The following KRABD5 variants were observed in gnomAD, a reference collection of about 807,000 sequenced individuals.
The protein encoded by KRABD5 is KRAB domain-containing protein 5.
At chr16:31,734,205 G>T in the KRABD5 span, among the ~76,000 whole-genome samples, 1 of 151,292 alleles carries the variant, frequency 6.6e-6, no homozygotes, top group East Asian at 1.9e-4. Context: ...AATTCTTAGT[G>T]GTGAGAACAT....
chr16:31,732,687 C>T, the KRABD5 span, among the ~76,000 whole-genome samples: 2 of 151,976 alleles, frequency 1.3e-5, no homozygotes, highest in Admixed American at 6.6e-5. Flanking sequence ...TTTATTATAG[C>T]CATTATATTT....
the KRABD5 span, among the ~76,000 whole-genome samples, chr16:31,726,552 G>A: frequency 6.6e-6 from 1 of 152,134 alleles, no homozygotes; most frequent in East Asian, 1.9e-4. Context: ...CTTGAGGCCA[G>A]GAGTTCAAGA....
At chr16:31,713,558 T>G in the KRABD5 span, 1 of 1,376,212 alleles carries the variant, frequency 7.3e-7, no homozygotes, top group East Asian at 2.8e-5. Context: ...ACTCGGCCCT[T>G]GGTCCCCTCC....
At chr16:31,719,990 G>T in the KRABD5 span, among the ~76,000 whole-genome samples, 1 of 152,328 alleles carries the variant, frequency 6.6e-6, no homozygotes, top group Non-Finnish European at 1.5e-5. Flanking sequence ...GGAAACAGAA[G>T]AAGAGAGAGA....
At chr16:31,758,006 C>G in the KRABD5 span, 3 of 152,048 alleles carry the variant, frequency 2.0e-5, no homozygotes, top group Non-Finnish European at 2.9e-5. Flanking sequence ...AGATAATGTT[C>G]CAAACTCTTG....
At chr16:31,746,667 C>G in the KRABD5 span, among the ~76,000 whole-genome samples, 1 of 152,120 alleles carries the variant, frequency 6.6e-6, no homozygotes, top group African/African-American at 2.4e-5. Flanking sequence ...GGCCTGACTT[C>G]TAGGTTAGGG....
At chr16:31,737,342 A>G in the KRABD5 span, among the ~76,000 whole-genome samples, 1 of 152,230 alleles carries the variant, frequency 6.6e-6, no homozygotes, top group East Asian at 1.9e-4. Flanking sequence ...CTAATGAACA[A>G]GTTCTGTAAA....
chr16:31,755,456 G>A, the KRABD5 span: 1 of 469,936 alleles, frequency 2.1e-6, no homozygotes, highest in Non-Finnish European at 4.4e-6. Flanking sequence ...TCATACTGGA[G>A]TAAAACTTTA....
the KRABD5 span, among the ~76,000 whole-genome samples, chr16:31,715,879 A>G: frequency 6.6e-6 from 1 of 152,152 alleles, no homozygotes; most frequent in Non-Finnish European, 1.5e-5. Flanking sequence ...TCCCCTGCAC[A>G]CAGACTGTCA....
the KRABD5 span, among the ~76,000 whole-genome samples, chr16:31,750,618 A>G: frequency 6.6e-6 from 1 of 152,064 alleles, no homozygotes; most frequent in Non-Finnish European, 1.5e-5. Flanking sequence ...TTTAAGGGGA[A>G]TGCCTCCAGC....
At chr16:31,722,762 A>G in the KRABD5 span, 2 of 1,576,026 alleles carry the variant, frequency 1.3e-6, no homozygotes, top group Non-Finnish European at 1.7e-6. Flanking sequence ...GGTGAGGATA[A>G]CTTGCCTTTG....
At chr16:31,761,402 T>G in the KRABD5 span, 1 of 152,176 alleles carries the variant, frequency 6.6e-6, no homozygotes, top group Non-Finnish European at 1.5e-5. Context: ...CTGCTCAGTA[T>G]TCTAGTTCAC....
At chr16:31,734,085 A>T in the KRABD5 span, among the ~76,000 whole-genome samples, 1 of 152,150 alleles carries the variant, frequency 6.6e-6, no homozygotes, top group African/African-American at 2.4e-5. Flanking sequence ...TTGCTTTTTA[A>T]ATTGATACAA....
At chr16:31,742,967 G>A in the KRABD5 span, among the ~76,000 whole-genome samples, 1 of 152,160 alleles carries the variant, frequency 6.6e-6, no homozygotes, top group Non-Finnish European at 1.5e-5. Flanking sequence ...CTTCTTTTAA[G>A]AAGTGTCTGC....
the KRABD5 span, among the ~76,000 whole-genome samples, chr16:31,738,364 A>G: frequency 1.3e-5 from 2 of 152,098 alleles, no homozygotes; most frequent in African/African-American, 2.4e-5. Flanking sequence ...TAGTTGCTGC[A>G]TATATTTGAG....
chr16:31,722,159 C>G, the KRABD5 span, among the ~76,000 whole-genome samples: 1 of 152,134 alleles, frequency 6.6e-6, no homozygotes, highest in South Asian at 2.1e-4. Context: ...ACTGCAACCT[C>G]CACTTCCTGG....
chr16:31,727,164 C>T, the KRABD5 span, among the ~76,000 whole-genome samples: 2 of 152,188 alleles, frequency 1.3e-5, no homozygotes, highest in South Asian at 2.1e-4. Flanking sequence ...AGTATTAGCT[C>T]TAACTCTTTT....
At chr16:31,750,212 A>T in the KRABD5 span, among the ~76,000 whole-genome samples, 1 of 151,896 alleles carries the variant, frequency 6.6e-6, no homozygotes, top group African/African-American at 2.4e-5. Context: ...TTTTTTCAAC[A>T]GTGTTTTATA....
the KRABD5 span, among the ~76,000 whole-genome samples, chr16:31,740,313 T>C: frequency 6.6e-6 from 1 of 152,240 alleles, no homozygotes; most frequent in Non-Finnish European, 1.5e-5. Flanking sequence ...TAACCTGTTA[T>C]CAAGCTTGTT....
Sources: gnomAD v4.1 joint callset for allele counts (sites outside exome capture counted in the v4.1 genomes callset) on GRCh38, gnomAD v4.1.1 for gene constraint, MANE v1.5 for transcripts, NCBI Gene and HGNC (gene_info 2026-07-23, HGNC 2026-07-21) for gene names.